The following COL23A1 variants were observed in gnomAD, a reference collection of about 807,000 sequenced individuals.
The protein encoded by COL23A1 is collagen type XXIII alpha 1 chain.
Under a neutral mutation model 99.3 loss-of-function variants are expected in COL23A1, and 97 were observed. The ratio of observed to expected loss-of-function variants is 0.98; its 90% CI spans 0.83 to 1.16. COL23A1 has a LOEUF of 1.16. COL23A1 is among the 50% of genes most tolerant of loss of function. The pLI is 0.00. For synonymous variants in COL23A1, 320 were observed against 308.2 expected (o/e 1.04, Z -0.40); for missense variants, 762 against 757.4 (o/e 1.01, Z -0.07).
intron 2 of COL23A1, among the ~76,000 whole-genome samples, chr5:178,545,979 G>A (rs1473989081): frequency 6.6e-6 from 1 of 152,110 alleles, no homozygotes; most frequent in Non-Finnish European, 1.5e-5. Flanking sequence ...ACTGGCTCAA[G>A]TTCCCAGAGC....
intron 2 of COL23A1, among the ~76,000 whole-genome samples, chr5:178,358,398 T>A (rs1186807968): frequency 7.2e-6 from 1 of 138,578 alleles, no homozygotes; most frequent in Non-Finnish European, 1.6e-5. Context: ...TGTATGTGTA[T>A]GTGTATGTGT....
Position 178,544,964 on chromosome 5 carries a change from C to A in COL23A1, c.361+15718G>T, listed in dbSNP as rs545726513. ...ATTTAGCCAGGTGTGGTGGCACGTG[C>A]CTGTAGTCCCAGCTACTTGGGAGGC... is the stretch of plus-strand genomic sequence containing the variant. On this transcript the variant is annotated intron_variant, in intron 2 of 28. Transcript: ENST00000390654. The surrounding 1 kb of genome is among the most constrained non-coding windows in gnomAD (Gnocchi z 4.4). 9.2e-5 allele frequency among the ~76,000 whole-genome samples: 14 copies of A among 152,024 alleles called. No homozygotes were observed. The highest frequency in any genetic ancestry group is 2.6e-4 in the Admixed American group (4 of 15,256).
intron 2 of COL23A1, among the ~76,000 whole-genome samples, chr5:178,537,218 AG>A (rs5873621): frequency 0.3 from 45,302 of 152,018 alleles, 7,138 homozygotes; most frequent in African/African-American, 0.38. Flanking sequence ...GACTTCTCTT[AG>A]GGGGGTCTGG....
chr5:178,491,126 G>A (rs1045543627), intron 2 of COL23A1, among the ~76,000 whole-genome samples: 8 of 151,586 alleles, frequency 5.3e-5, no homozygotes, highest in Admixed American at 1.3e-4. Context: ...AGACACGGAG[G>A]AGAGGAGACA....
intron 11 of COL23A1, among the ~76,000 whole-genome samples, chr5:178,260,976 C>T (rs556125955): frequency 3.1e-4 from 47 of 149,906 alleles, no homozygotes; most frequent in African/African-American, 1.0e-3. Flanking sequence ...CTAATGTAAA[C>T]GACGGCATCT....
At chr5:178,339,373 C>T (rs1760527547) in intron 2 of COL23A1, among the ~76,000 whole-genome samples, 1 of 152,224 alleles carries the variant, frequency 6.6e-6, no homozygotes, top group Admixed American at 6.5e-5. Context: ...TACATTCTGT[C>T]CCTCTGCACT....
intron 2 of COL23A1, among the ~76,000 whole-genome samples, chr5:178,540,842 G>T (rs1419969143): frequency 1.3e-5 from 2 of 152,180 alleles, no homozygotes; most frequent in South Asian, 4.1e-4. Flanking sequence ...TGGGAGGATC[G>T]CCTGAGCTTG....
intron 2 of COL23A1, among the ~76,000 whole-genome samples, chr5:178,325,223 C>T (rs543200131): frequency 1.4e-4 from 22 of 152,218 alleles, no homozygotes; most frequent in Non-Finnish European, 2.5e-4. Context: ...TGCCTCCTTC[C>T]TCTCATTCCC....
At chr5:178,524,008 A>G (rs936503704) in intron 2 of COL23A1, among the ~76,000 whole-genome samples, 8 of 152,204 alleles carry the variant, frequency 5.3e-5, no homozygotes, top group Middle Eastern at 3.2e-3. Context: ...CACAGGAATG[A>G]GCGTCTGCGG....
At chr5:178,247,051 T>C (rs578253503) in intron 22 of COL23A1, among the ~76,000 whole-genome samples, 1 of 151,924 alleles carries the variant, frequency 6.6e-6, no homozygotes, top group South Asian at 2.1e-4. Context: ...GGGCAGGGCA[T>C]GCAGGCAGGC....
Position 178,439,403 on chromosome 5 carries a change from G to A in COL23A1, c.361+121279C>T, listed in dbSNP as rs1766740799. 6.6e-6 allele frequency: 1 copy of A among 152,178 alleles called. No individual in the cohort carries two copies. Among genetic ancestry groups the A allele is most frequent in the Non-Finnish European group, 1.5e-5 (1 of 68,110 alleles). The allele number at this position is 152,178 out of a possible 1,614,324, so 9.4% of individuals were successfully genotyped here. A position where few individuals can be genotyped will look rare whatever the true frequency, so the allele number is the denominator to read the frequency against. On this transcript the variant is annotated intron_variant, in intron 2 of 28. Coordinates refer to ENST00000390654, the MANE Select transcript of COL23A1 (RefSeq NM_173465.4). This position sits in a 1 kb window ranked among gnomAD's most constrained non-coding sequence, Gnocchi z 4.2. ...CCAGACCCTGTTGAACACATCCCTGGACTCCAGCTCCTTGTCTCTGGTCCA... is the reference window on the plus strand; with the variant it reads ...CCAGACCCTGTTGAACACATCCCTGAACTCCAGCTCCTTGTCTCTGGTCCA...
chr5:178,348,168 C>T (rs1020182041), intron 2 of COL23A1, among the ~76,000 whole-genome samples: 1 of 152,158 alleles, frequency 6.6e-6, no homozygotes. Flanking sequence ...CCCCGACTGG[C>T]CTTGCCTTGG....
rs1040994766 is a variant in COL23A1, at chr5:178,415,400, C to T, written c.362-108481G>A. Reference sequence around the variant, plus strand: ...AACGTCTAAAAACCGTCCTGCCCCCCACCCTCAGTGCACAGGCTGTGGCCT... The same window carrying T: ...AACGTCTAAAAACCGTCCTGCCCCCTACCCTCAGTGCACAGGCTGTGGCCT... On this transcript the variant is annotated intron_variant, in intron 2 of 28. Transcript: ENST00000390654. This position sits in a 1 kb window ranked among gnomAD's most constrained non-coding sequence, Gnocchi z 4.6. 2.0e-5 allele frequency among the ~76,000 whole-genome samples: 3 copies of T among 152,164 alleles called. No individual in the cohort carries two copies. The highest frequency in any genetic ancestry group is 2.9e-5 in the Non-Finnish European group (2 of 68,030).
chr5:178,353,127 T>C (rs1279928030), intron 2 of COL23A1, among the ~76,000 whole-genome samples: 3 of 152,058 alleles, frequency 2.0e-5, no homozygotes, highest in African/African-American at 7.2e-5. Flanking sequence ...TCACGTTTAA[T>C]AGAAAAAGAC....
chr5:178,463,567 C>G (rs1251111511), intron 2 of COL23A1, among the ~76,000 whole-genome samples: 2 of 152,194 alleles, frequency 1.3e-5, no homozygotes, highest in Non-Finnish European at 2.9e-5. Context: ...GGACCCCAAC[C>G]TATGAGGCAG....
At chr5:178,342,277 C>T (rs959291130) in intron 2 of COL23A1, among the ~76,000 whole-genome samples, 2 of 152,216 alleles carry the variant, frequency 1.3e-5, no homozygotes, top group African/African-American at 2.4e-5. Flanking sequence ...CGGGTGACAG[C>T]TGGTTACAGT....
At chr5:178,433,330 C>T (rs1182328596) in intron 2 of COL23A1, among the ~76,000 whole-genome samples, 1 of 152,146 alleles carries the variant, frequency 6.6e-6, no homozygotes, top group Non-Finnish European at 1.5e-5. Flanking sequence ...AGAAAGAATA[C>T]AAATGAACAG....
At chr5:178,402,700 C>T (rs1010971913) in intron 2 of COL23A1, among the ~76,000 whole-genome samples, 1 of 151,582 alleles carries the variant, frequency 6.6e-6, no homozygotes, top group Non-Finnish European at 1.5e-5. Context: ...CGGCCTGGGA[C>T]ATAGCAAAAT....
intron 1 of COL23A1, among the ~76,000 whole-genome samples, chr5:178,576,873 C>T (rs1173453437): frequency 6.6e-6 from 1 of 151,770 alleles, no homozygotes; most frequent in Non-Finnish European, 1.5e-5. Context: ...CGGGAGGCCG[C>T]CTGGGTTCGG....
Sources: gnomAD v4.1 joint callset for allele counts (sites outside exome capture counted in the v4.1 genomes callset) on GRCh38, gnomAD v4.1.1 for gene constraint, Gnocchi (gnomAD v3.1) non-coding constraint, MANE v1.5 for transcripts, NCBI Gene and HGNC (gene_info 2026-07-23, HGNC 2026-07-21) for gene names.